SH3BP5: variants seen among roughly 807,000 people sequenced by gnomAD.
The protein encoded by SH3BP5 is SH3 domain binding protein 5.
SH3BP5 carries 22 observed loss-of-function variants against 43.3 expected under a neutral mutation model. That is an observed-to-expected ratio of 0.51 (90% CI 0.36 to 0.73). The LOEUF (loss-of-function observed/expected upper bound fraction) is 0.73, where lower values mean the gene tolerates loss of function less well. Among genes scored for constraint, SH3BP5 ranks in the 30% least tolerant of loss-of-function variants. The pLI is 0.00. For synonymous variants in SH3BP5, 255 were observed against 225.8 expected (o/e 1.13, Z -1.16); for missense variants, 529 against 586.9 (o/e 0.90, Z 1.02).
At chr3:15,257,281 T>G (rs796912275) in intron 7 of SH3BP5, 168 bp from the exon 8 acceptor site, 36 of 597,190 alleles carry the variant, frequency 6.0e-5, no homozygotes, top group Non-Finnish European at 9.8e-5. Flanking sequence ...GACCAGCCTC[T>G]AAAGCAGCTG....
intron 3 of SH3BP5, among the ~76,000 whole-genome samples, chr3:15,280,635 C>T (rs1351895929): frequency 6.6e-6 from 1 of 152,190 alleles, no homozygotes; most frequent in Non-Finnish European, 1.5e-5. Flanking sequence ...CGACATCACA[C>T]TCTCGCACTC....
At chr3:15,309,870 A>G (rs1698004850) in intron 2 of SH3BP5, among the ~76,000 whole-genome samples, 1 of 151,744 alleles carries the variant, frequency 6.6e-6, no homozygotes, top group Admixed American at 6.6e-5. Flanking sequence ...TCAAAGATGC[A>G]TTGAAACTGA....
chr3:15,322,838 A>AAAAAAC (rs58800597), intron 2 of SH3BP5, among the ~76,000 whole-genome samples: 10,906 of 151,894 alleles, frequency 0.072, 556 homozygotes, highest in South Asian at 0.23. Context: ...CTGTCTCAGG[A>AAAAAAC]AAAAACAAAA....
intron 1 of SH3BP5, among the ~76,000 whole-genome samples, chr3:15,331,062 C>G (rs563790401): frequency 4.3e-4 from 66 of 152,322 alleles, no homozygotes; most frequent in African/African-American, 1.6e-3. Flanking sequence ...ATTATTCAAC[C>G]TACTTAGCTG....
intron 3 of SH3BP5, among the ~76,000 whole-genome samples, chr3:15,280,911 A>G (rs1479738016): frequency 2.6e-5 from 4 of 152,220 alleles, no homozygotes; most frequent in Non-Finnish European, 5.9e-5. Context: ...ACTGGGATGC[A>G]CGATGCAGAC....
chr3:15,261,528 A>G (rs923714642), intron 5 of SH3BP5, among the ~76,000 whole-genome samples: 2 of 152,264 alleles, frequency 1.3e-5, no homozygotes, highest in Admixed American at 6.5e-5. Context: ...CTCTGGGTCT[A>G]TCTTTGGCTG....
chr3:15,257,685 C>G (rs1215452565), intron 7 of SH3BP5: 1 of 152,512 alleles, frequency 6.6e-6, no homozygotes, highest in African/African-American at 2.4e-5. Flanking sequence ...AAATCCTTTA[C>G]AATGCTCTGT....
intron 3 of SH3BP5, among the ~76,000 whole-genome samples, chr3:15,296,243 C>T (rs1193319961): frequency 6.6e-6 from 1 of 151,982 alleles, no homozygotes. Context: ...TCCACAGTGG[C>T]CACTGCAGAC....
intron 3 of SH3BP5, among the ~76,000 whole-genome samples, chr3:15,283,634 C>T (rs1697187383): frequency 6.6e-6 from 1 of 152,220 alleles, no homozygotes; most frequent in African/African-American, 2.4e-5. Context: ...TAACTTCAGT[C>T]TCTTCTGCGA....
intron 1 of SH3BP5, chr3:15,339,927 G>A (rs1220225067): frequency 6.6e-6 from 1 of 151,770 alleles, no homozygotes; most frequent in Non-Finnish European, 1.5e-5. Flanking sequence ...GGAAAAAGAA[G>A]AAAGAAAGTT....
chr3:15,271,195 T>C (rs1378943000), intron 3 of SH3BP5, among the ~76,000 whole-genome samples: 2 of 151,650 alleles, frequency 1.3e-5, no homozygotes, highest in East Asian at 1.9e-4. Flanking sequence ...CTGGGAAACA[T>C]AGCAAGACCC....
Position 15,256,502 on chromosome 3 carries a change from C to G in SH3BP5, c.1151-199G>C. ...GAGGTTCTCAGTACATAATCATTTACTGCTTTTATTCCTTGTGATGTTTTA... is the reference window on the plus strand; with the variant it reads ...GAGGTTCTCAGTACATAATCATTTAGTGCTTTTATTCCTTGTGATGTTTTA... On this transcript the variant is annotated intron_variant, in intron 8 of 8. Coordinates refer to ENST00000383791, the MANE Select transcript of SH3BP5 (RefSeq NM_004844.5). The G allele has an allele frequency of 6.3e-6, 4 of 632,866 alleles. 1 individual carries two copies. In the South Asian group the frequency reaches 7.6e-5, roughly 12 times the overall value. 39.2% of individuals were successfully genotyped at this position (632,866 alleles called of 1,614,324 possible). A position where few individuals can be genotyped will look rare whatever the true frequency, so the allele number is the denominator to read the frequency against.
At chr3:15,262,332 G>GCCC in intron 4 of SH3BP5, 43 bp from the exon 5 acceptor site, 1 of 1,600,614 alleles carries the variant, frequency 6.2e-7, no homozygotes, top group Non-Finnish European at 8.5e-7. Context: ...GCCCAGAACA[G>GCCC]CCCAGGCTTG....
At chr3:15,325,301 C>T (rs563467329) in intron 2 of SH3BP5, among the ~76,000 whole-genome samples, 133 of 152,242 alleles carry the variant, frequency 8.7e-4, no homozygotes, top group Non-Finnish European at 1.3e-3. Context: ...GGCTGTCGCA[C>T]ACCTGAATGA....
At chr3:15,334,223 T>C (rs1396445575), upstream of SH3BP5, among the ~76,000 whole-genome samples, 3 of 152,246 alleles carry the variant, frequency 2.0e-5, no homozygotes, top group African/African-American at 4.8e-5. Flanking sequence ...GTTCAGACTT[T>C]TGTTGTCTTA....
chr3:15,304,800 G>A (rs1309732505), intron 2 of SH3BP5, among the ~76,000 whole-genome samples: 4 of 131,734 alleles, frequency 3.0e-5, no homozygotes, highest in Non-Finnish European at 6.1e-5. Flanking sequence ...GGGTGACAGA[G>A]CACGACTCTG....
At chr3:15,328,669 G>A (rs1000827478) in intron 2 of SH3BP5, among the ~76,000 whole-genome samples, 3 of 152,196 alleles carry the variant, frequency 2.0e-5, no homozygotes, top group African/African-American at 7.2e-5. Context: ...GAACCCAGGA[G>A]TTTGAGGTTG....
At chr3:15,259,887 G>C in intron 5 of SH3BP5, 84 bp from the exon 6 acceptor site, 5 of 1,226,832 alleles carry the variant, frequency 4.1e-6, no homozygotes, top group Non-Finnish European at 6.0e-6. Flanking sequence ...AGAGGCATCA[G>C]CTACCACTGG....
intron 3 of SH3BP5, chr3:15,273,245 C>A: frequency 5.1e-6 from 5 of 985,374 alleles, no homozygotes; most frequent in Non-Finnish European, 6.0e-6. Flanking sequence ...ACTCTCTTCT[C>A]CCAGTTCTCT....
Sources: allele counts gnomAD v4.1 joint callset (sites outside exome capture counted in the v4.1 genomes callset), GRCh38; gene constraint gnomAD v4.1.1; transcripts MANE v1.5; gene names NCBI Gene and HGNC (gene_info 2026-07-23, HGNC 2026-07-21).